The following GAS2 variants were observed in gnomAD, a reference collection of about 807,000 sequenced individuals.
The protein encoded by GAS2 is growth arrest-specific protein 2.
In GAS2, 20 loss-of-function variants were observed where a neutral mutation model predicts 37.5. The observed-to-expected ratio is 0.53, with a 90% CI of 0.37 to 0.77. The LOEUF (loss-of-function observed/expected upper bound fraction) is 0.77, where lower values mean the gene tolerates loss of function less well. GAS2 is among the 30% of genes least tolerant of loss of function. The pLI, the probability that GAS2 is intolerant of heterozygous loss-of-function variation, is 0.00. For synonymous variants in GAS2, 144 were observed against 132.2 expected, an observed-to-expected ratio of 1.09 and a Z score of -0.61; for missense variants, 336 against 373.4, an observed-to-expected ratio of 0.90 and a Z score of 0.82.
At chr11:22,773,691 T>A (rs1037704206) in intron 7 of GAS2, among the ~76,000 whole-genome samples, 1 of 152,284 alleles carries the variant, frequency 6.6e-6, no homozygotes, top group East Asian at 1.9e-4. Flanking sequence ...TGGGGCTTAT[T>A]TGCTATGAAA....
In GAS2 at chr11:22,794,038, A is replaced by T. The variant is rs758101026; in HGVS notation, c.724-17760A>T. 3.3e-4 allele frequency among the ~76,000 whole-genome samples: 50 copies of T among 152,162 alleles called. 1 individual carries two copies. Among genetic ancestry groups the T allele is most frequent in the Non-Finnish European group, 6.6e-4 (45 of 68,020 alleles). On this transcript the variant is annotated intron_variant, in intron 7 of 7. Coordinates refer to ENST00000454584, the MANE Select transcript of GAS2 (RefSeq NM_001143830.3). ...CGATTTCAGATAAAATTACATCTTTATATAGTGAATTGTATGACAGCATGC... is the reference window on the plus strand; with the variant it reads ...CGATTTCAGATAAAATTACATCTTTTTATAGTGAATTGTATGACAGCATGC...
At chr11:22,790,760 G>C (rs1346085506) in intron 7 of GAS2, among the ~76,000 whole-genome samples, 1 of 151,776 alleles carries the variant, frequency 6.6e-6, no homozygotes, top group African/African-American at 2.4e-5. Context: ...ACCACACCCA[G>C]CTTTCAGTAT....
chr11:22,645,926 C>T (rs1848685847), intron 1 of GAS2, among the ~76,000 whole-genome samples: 1 of 150,146 alleles, frequency 6.7e-6, no homozygotes, highest in Non-Finnish European at 1.5e-5. Flanking sequence ...TCACTGCAAC[C>T]TCCGCCTCCC....
chr11:22,630,047 C>T (rs946795019), intron 1 of GAS2, among the ~76,000 whole-genome samples: 3 of 151,926 alleles, frequency 2.0e-5, no homozygotes, highest in African/African-American at 2.4e-5. Flanking sequence ...GTTTTCCTCA[C>T]ACCATTTTTT....
chr11:22,761,503 T>C (rs1854391146), intron 7 of GAS2, among the ~76,000 whole-genome samples: 1 of 152,174 alleles, frequency 6.6e-6, no homozygotes, highest in Admixed American at 6.5e-5. Flanking sequence ...TGAATACTTT[T>C]TTACTTAATT....
chr11:22,728,187 T>C (rs1484299345), intron 4 of GAS2, among the ~76,000 whole-genome samples: 1 of 152,030 alleles, frequency 6.6e-6, no homozygotes, highest in Non-Finnish European at 1.5e-5. Context: ...TTGTCTTGTC[T>C]CATTTTCTCA....
chr11:22,719,524 A>G (rs184936286), intron 3 of GAS2, among the ~76,000 whole-genome samples: 2 of 146,604 alleles, frequency 1.4e-5, no homozygotes, highest in African/African-American at 5.5e-5. Flanking sequence ...GTTCACTCTT[A>G]GTGTTAAACA....
intron 1 of GAS2, among the ~76,000 whole-genome samples, chr11:22,667,415 C>T (rs1160616121): frequency 6.6e-6 from 1 of 152,102 alleles, no homozygotes; most frequent in Non-Finnish European, 1.5e-5. Context: ...GAGGAAAGAG[C>T]GCCACATGTG....
At chr11:22,639,825 C>T (rs1212978712) in intron 1 of GAS2, among the ~76,000 whole-genome samples, 1 of 152,130 alleles carries the variant, frequency 6.6e-6, no homozygotes, top group Non-Finnish European at 1.5e-5. Context: ...GAGCATTCTA[C>T]TTAGTGTACA....
At chr11:22,634,193 T>C (rs950080038) in intron 1 of GAS2, among the ~76,000 whole-genome samples, 4 of 152,128 alleles carry the variant, frequency 2.6e-5, no homozygotes, top group African/African-American at 9.7e-5. Flanking sequence ...GAGAGCCAAG[T>C]GAAAGGGGTT....
intron 7 of GAS2, among the ~76,000 whole-genome samples, chr11:22,791,992 A>G (rs755546138): frequency 6.6e-6 from 1 of 152,242 alleles, no homozygotes; most frequent in Non-Finnish European, 1.5e-5. Context: ...CAGAAAACTC[A>G]TAGTTTCTCA....
At chr11:22,701,100 C>T (rs1329986796) in intron 3 of GAS2, among the ~76,000 whole-genome samples, 2 of 152,112 alleles carry the variant, frequency 1.3e-5, no homozygotes, top group African/African-American at 4.8e-5. Flanking sequence ...TTCTATAAAA[C>T]TGCAGGAGAG....
chr11:22,717,563 C>T (rs1157242460), intron 3 of GAS2, among the ~76,000 whole-genome samples: 1 of 152,030 alleles, frequency 6.6e-6, no homozygotes, highest in Non-Finnish European at 1.5e-5. Flanking sequence ...TAGACATTAT[C>T]CTAGACAAAG....
chr11:22,646,115 T>A (rs1456874961), intron 1 of GAS2, among the ~76,000 whole-genome samples: 1 of 152,168 alleles, frequency 6.6e-6, no homozygotes, highest in Non-Finnish European at 1.5e-5. Context: ...AGTGCTGAGA[T>A]TACAGGCGTC....
intron 1 of GAS2, among the ~76,000 whole-genome samples, chr11:22,643,179 A>T (rs1221668197): frequency 6.6e-6 from 1 of 152,146 alleles, no homozygotes; most frequent in Non-Finnish European, 1.5e-5. Context: ...AAAGGCAGAT[A>T]GACTTGGTTC....
chr11:22,706,380 T>A (rs1374322653), intron 3 of GAS2, among the ~76,000 whole-genome samples: 33 of 151,890 alleles, frequency 2.2e-4, no homozygotes, highest in African/African-American at 7.7e-4. Context: ...CATGTGCACA[T>A]TGTGCAGGTT....
chr11:22,726,548 A>G (rs1237609208), intron 4 of GAS2, 115 bp downstream of exon 4: 1 of 835,790 alleles, frequency 1.2e-6, no homozygotes, highest in African/African-American at 1.8e-5. Context: ...TTATTAGCTT[A>G]AAAAGTCTGA....
intron 3 of GAS2, among the ~76,000 whole-genome samples, chr11:22,695,276 C>T (rs1186633260): frequency 1.3e-5 from 2 of 151,880 alleles, no homozygotes; most frequent in Non-Finnish European, 2.9e-5. Context: ...GCCAAGATCA[C>T]GCCACTGCAC....
At chr11:22,687,504 G>A (rs1850021710) in intron 3 of GAS2, among the ~76,000 whole-genome samples, 1 of 152,116 alleles carries the variant, frequency 6.6e-6, no homozygotes, top group Admixed American at 6.6e-5. Flanking sequence ...TTAATTGGAT[G>A]GTTGAAGACT....
Sources: allele counts gnomAD v4.1 joint callset (sites outside exome capture counted in the v4.1 genomes callset), GRCh38; gene constraint gnomAD v4.1.1; transcripts MANE v1.5; gene names NCBI Gene and HGNC (gene_info 2026-07-23, HGNC 2026-07-21).